The following HEPHL1 variants were observed in gnomAD, a reference collection of about 807,000 sequenced individuals.
The protein encoded by HEPHL1 is ferroxidase HEPHL1.
HEPHL1 carries 123 observed loss-of-function variants against 122.0 expected under a neutral mutation model. The ratio of observed to expected loss-of-function variants is 1.01; its 90% CI spans 0.87 to 1.17. The LOEUF (loss-of-function observed/expected upper bound fraction) is 1.17, where lower values mean the gene tolerates loss of function less well. Ranked by LOEUF, HEPHL1 falls within the 50% of genes most tolerant of loss-of-function variation. The pLI is 0.00. For missense variants in HEPHL1, 1,452 were observed against 1,430.5 expected (o/e 1.01, Z -0.24); for synonymous variants, 527 against 508.9 (o/e 1.04, Z -0.48).
At chr11:94,075,750 CA>C (rs1282159626) in intron 9 of HEPHL1, among the ~76,000 whole-genome samples, 1 of 152,118 alleles carries the variant, frequency 6.6e-6, no homozygotes, top group Admixed American at 6.6e-5. Context: ...ACCATTTAAA[CA>C]TCCATTATTC....
rs1318552287 is a variant in HEPHL1, at chr11:94,021,422, G to T, written c.54G>T (p.Leu18=). 2 of 1,613,798 alleles carry T rather than the reference G, an allele frequency of 1.2e-6. No individual in the cohort carries two copies. The highest frequency in any genetic ancestry group is 1.7e-6 in the Non-Finnish European group (2 of 1,179,754). The change falls in exon 1 of 20, where the codon CTG becomes CTT. Residue 18 remains leucine (L), a synonymous_variant. Transcript: ENST00000315765. ...TCTTTCTCCTCACATTCCTGGGTCT[G>T]TCTGGGCTGGTTGGCACAGTTACCA... The part of the protein sequence containing the change: ...GCIFLLTFLG[L]SGLVGTVTRT...
intron 13 of HEPHL1, among the ~76,000 whole-genome samples, chr11:94,098,294 A>G (rs1946336287): frequency 6.6e-6 from 1 of 152,166 alleles, no homozygotes; most frequent in African/African-American, 2.4e-5. Context: ...CTGGATATGA[A>G]ATTCTGAGTT....
At chr11:94,083,492 G>A (rs1219666823) in intron 10 of HEPHL1, among the ~76,000 whole-genome samples, 2 of 152,234 alleles carry the variant, frequency 1.3e-5, no homozygotes, top group African/African-American at 4.8e-5. Flanking sequence ...ATGCCTGCAA[G>A]AGTGTGCAGT....
In HEPHL1 at chr11:94,112,383, C is replaced by G. The variant is rs1284207773; in HGVS notation, c.*489C>G. The G allele has an allele frequency of 6.6e-6, 1 of 152,308 alleles. No individual in the cohort carries two copies. The highest frequency in any genetic ancestry group is 1.5e-5 in the Non-Finnish European group (1 of 68,122). The allele number at this position is 152,308 out of a possible 1,614,324, so 9.4% of individuals were successfully genotyped here. A position where few individuals can be genotyped will look rare whatever the true frequency, so the allele number is the denominator to read the frequency against. On this transcript the variant is annotated 3_prime_UTR_variant, in exon 20 of 20. Transcript: ENST00000315765. ...GTGGAAAATATCTTTCTTAGGAGTTCTTGGCAATGTCTAAGTCAGTGTCTG... is the reference window on the plus strand; with the variant it reads ...GTGGAAAATATCTTTCTTAGGAGTTGTTGGCAATGTCTAAGTCAGTGTCTG...
intron 1 of HEPHL1, among the ~76,000 whole-genome samples, chr11:94,023,705 G>A (rs1393118028): frequency 1.3e-5 from 2 of 152,126 alleles, no homozygotes; most frequent in Non-Finnish European, 2.9e-5. Context: ...AGAACGCCAA[G>A]GTCCCCAAAC....
chr11:94,039,508 T>G (rs1046245994), intron 1 of HEPHL1, among the ~76,000 whole-genome samples: 5 of 149,934 alleles, frequency 3.3e-5, no homozygotes, highest in African/African-American at 4.9e-5. Flanking sequence ...GAACAGAAAT[T>G]ATAACAAACT....
At chr11:94,083,919 T>G (rs1946194905) in intron 10 of HEPHL1, among the ~76,000 whole-genome samples, 1 of 152,190 alleles carries the variant, frequency 6.6e-6, no homozygotes, top group Admixed American at 6.5e-5. Flanking sequence ...AAAAGAAATT[T>G]ATCATCAAAG....
At position 94,086,034 on chromosome 11, in the gene HEPHL1, G is replaced by A; in HGVS notation, c.1925G>A (p.Arg642Lys). Residue 642 changes from arginine (R) to lysine (K), a missense_variant, in exon 11 of 20, where the codon AGA (arginine) becomes AAA (lysine). Coordinates refer to ENST00000315765, the MANE Select transcript of HEPHL1 (RefSeq NM_001098672.2). ...QPGLNMCKRD[R>K]VSWHLIGLGT... ...GGCTTAAACATGTGTAAAAGGGATAGAGTTTCCTGGCATCTGATTGGATTG... is the reference window on the plus strand; with the variant it reads ...GGCTTAAACATGTGTAAAAGGGATAAAGTTTCCTGGCATCTGATTGGATTG... 6.2e-7 allele frequency: 1 copy of A among 1,613,892 alleles called. No individual in the cohort carries two copies.
At chr11:94,095,807 T>G (rs1591486534) in intron 13 of HEPHL1, among the ~76,000 whole-genome samples, 1 of 151,758 alleles carries the variant, frequency 6.6e-6, no homozygotes, top group Non-Finnish European at 1.5e-5. Flanking sequence ...AGTTCATGAT[T>G]TAGCTCTCTG....
intron 1 of HEPHL1, among the ~76,000 whole-genome samples, chr11:94,045,055 C>T (rs1175353333): frequency 6.6e-6 from 1 of 152,144 alleles, no homozygotes; most frequent in Non-Finnish European, 1.5e-5. Context: ...ACAGGCGGCC[C>T]ACCACCATGC....
chr11:94,051,806 G>T (rs1269367841), intron 2 of HEPHL1, among the ~76,000 whole-genome samples: 1 of 151,970 alleles, frequency 6.6e-6, no homozygotes, highest in Non-Finnish European at 1.5e-5. Context: ...GATTTGATTT[G>T]ATTTTTGTCT....
intron 5 of HEPHL1, among the ~76,000 whole-genome samples, chr11:94,068,725 A>C (rs2511407): frequency 0.85 from 129,349 of 152,130 alleles, 58,107 homozygotes; most frequent in Non-Finnish European, 0.99. Flanking sequence ...AGGAATTCTG[A>C]CCACTGGATG....
intron 1 of HEPHL1, among the ~76,000 whole-genome samples, chr11:94,037,768 G>GA (rs906007231): frequency 1.3e-5 from 2 of 151,732 alleles, no homozygotes; most frequent in Non-Finnish European, 1.5e-5. Context: ...CAAAGATGGG[G>GA]AAAAAACAGA....
chr11:94,060,304 A>G (rs931426874), intron 2 of HEPHL1, among the ~76,000 whole-genome samples: 1 of 151,604 alleles, frequency 6.6e-6, no homozygotes, highest in Non-Finnish European at 1.5e-5. Flanking sequence ...ATGTGTGTGT[A>G]TATGTATACA....
intron 13 of HEPHL1, among the ~76,000 whole-genome samples, chr11:94,099,749 G>A (rs1174921533): frequency 1.3e-5 from 2 of 152,190 alleles, no homozygotes; most frequent in Non-Finnish European, 2.9e-5. Context: ...CCACCTTGCA[G>A]TTTGATCTCA....
At chr11:94,069,031 G>T (rs1395856140) in intron 5 of HEPHL1, among the ~76,000 whole-genome samples, 1 of 152,126 alleles carries the variant, frequency 6.6e-6, no homozygotes, top group Admixed American at 6.6e-5. Context: ...TGTACTAGAT[G>T]CTCTTCTGGG....
At chr11:94,095,177 G>A (rs915708019) in intron 13 of HEPHL1, among the ~76,000 whole-genome samples, 3 of 152,144 alleles carry the variant, frequency 2.0e-5, no homozygotes, top group Non-Finnish European at 2.9e-5. Context: ...TTTGTATAAG[G>A]TGTAAGGAAG....
intron 2 of HEPHL1, among the ~76,000 whole-genome samples, chr11:94,052,888 G>A (rs1254189106): frequency 6.6e-6 from 1 of 152,030 alleles, no homozygotes; most frequent in Non-Finnish European, 1.5e-5. Context: ...CTAATATTTT[G>A]TTAAGAATTT....
intron 9 of HEPHL1, among the ~76,000 whole-genome samples, chr11:94,081,911 C>T (rs964322922): frequency 6.6e-6 from 1 of 152,164 alleles, no homozygotes; most frequent in South Asian, 2.1e-4. Flanking sequence ...GGGAAGACCA[C>T]TCTGAGGAAA....
Sources: gnomAD v4.1 joint callset for allele counts (sites outside exome capture counted in the v4.1 genomes callset) on GRCh38, gnomAD v4.1.1 for gene constraint, MANE v1.5 for transcripts, NCBI Gene and HGNC (gene_info 2026-07-23, HGNC 2026-07-21) for gene names.